Variants in SLC25A21 observed in about 807,000 individuals in gnomAD.
SLC25A21 encodes mitochondrial 2-oxodicarboxylate carrier.
SLC25A21 carries 47 observed loss-of-function variants against 43.8 expected under a neutral mutation model. That is an observed-to-expected ratio of 1.07 (90% CI 0.85 to 1.37). SLC25A21 has a LOEUF of 1.37. SLC25A21 is among the 40% of genes most tolerant of loss of function. SLC25A21 has a pLI of 0.00. For missense variants in SLC25A21, 352 were observed against 350.2 expected (o/e 1.00, Z -0.04); for synonymous variants, 131 against 121.3 (o/e 1.08, Z -0.52).
chr14:37,058,771 G>T (rs1484831425), intron 1 of SLC25A21, among the ~76,000 whole-genome samples: 2 of 152,178 alleles, frequency 1.3e-5, no homozygotes, highest in African/African-American at 4.8e-5. Context: ...TTCTGCTGAG[G>T]CTGATACTTG....
intron 1 of SLC25A21, among the ~76,000 whole-genome samples, chr14:36,939,107 T>C (rs1892494939): frequency 2.0e-5 from 3 of 152,200 alleles, no homozygotes; most frequent in African/African-American, 7.2e-5. Context: ...TGGAATTTCA[T>C]ATAACAGCTT....
chr14:36,823,214 A>G (rs1177958108), intron 2 of SLC25A21, among the ~76,000 whole-genome samples: 1 of 152,170 alleles, frequency 6.6e-6, no homozygotes, highest in African/African-American at 2.4e-5. Flanking sequence ...ATCATGAGAG[A>G]TTACAACCTA....
chr14:36,936,275 G>A (rs1429803851), intron 1 of SLC25A21, among the ~76,000 whole-genome samples: 1 of 152,154 alleles, frequency 6.6e-6, no homozygotes, highest in African/African-American at 2.4e-5. Context: ...GACTGGATGA[G>A]CTATTATCTC....
At chr14:36,767,021 A>G (rs928919011) in intron 3 of SLC25A21, among the ~76,000 whole-genome samples, 8 of 152,230 alleles carry the variant, frequency 5.3e-5, no homozygotes, top group Non-Finnish European at 7.3e-5. Context: ...TTATATTGCT[A>G]TAAGTACAAA....
At chr14:36,697,372 A>C (rs572507494) in intron 7 of SLC25A21, among the ~76,000 whole-genome samples, 3 of 152,198 alleles carry the variant, frequency 2.0e-5, no homozygotes, top group Non-Finnish European at 4.4e-5. Context: ...GGTGCTGAGA[A>C]GAATGTATAT....
chr14:36,724,202 T>C (rs759468586), intron 6 of SLC25A21, among the ~76,000 whole-genome samples: 2 of 152,166 alleles, frequency 1.3e-5, no homozygotes, highest in Non-Finnish European at 2.9e-5. Context: ...TTTAAGACAA[T>C]CTTTTGAAAT....
At chr14:37,116,032 G>A (rs1264612948) in intron 1 of SLC25A21, among the ~76,000 whole-genome samples, 1 of 151,946 alleles carries the variant, frequency 6.6e-6, no homozygotes, top group African/African-American at 2.4e-5. Context: ...ACTTGTCCCA[G>A]GGAACAATCC....
intron 3 of SLC25A21, among the ~76,000 whole-genome samples, chr14:36,746,835 A>C (rs1885519590): frequency 6.6e-6 from 1 of 152,200 alleles, no homozygotes; most frequent in South Asian, 2.1e-4. Flanking sequence ...CCTATTGTCC[A>C]AAATCAACTA....
intron 1 of SLC25A21, among the ~76,000 whole-genome samples, chr14:37,123,420 A>G (rs967326245): frequency 1.3e-5 from 2 of 152,242 alleles, no homozygotes; most frequent in African/African-American, 4.8e-5. Context: ...TTTTAAAACT[A>G]GAAAGCAACA....
chr14:36,930,765 G>A (rs1276760787), intron 1 of SLC25A21, among the ~76,000 whole-genome samples: 1 of 152,008 alleles, frequency 6.6e-6, no homozygotes, highest in African/African-American at 2.4e-5. Flanking sequence ...GGCACATGAG[G>A]GTCTTCATGG....
chr14:36,986,298 T>A (rs1960144170), intron 1 of SLC25A21, among the ~76,000 whole-genome samples: 1 of 152,194 alleles, frequency 6.6e-6, no homozygotes, highest in African/African-American at 2.4e-5. Context: ...TTCTTCCTTT[T>A]CATATTAGTA....
intron 2 of SLC25A21, among the ~76,000 whole-genome samples, chr14:36,825,818 T>TA (rs563818227): frequency 1.7e-4 from 26 of 152,278 alleles, no homozygotes; most frequent in Middle Eastern, 6.8e-3. Flanking sequence ...CTACAGTGAA[T>TA]ACATAAGAGT....
chr14:37,159,448 A>G (rs530703423), intron 1 of SLC25A21, among the ~76,000 whole-genome samples: 2 of 152,294 alleles, frequency 1.3e-5, no homozygotes, highest in South Asian at 4.1e-4. Context: ...CTCATCTTTG[A>G]CAAAGCTGAC....
intron 3 of SLC25A21, among the ~76,000 whole-genome samples, chr14:36,803,571 A>G (rs1158094037): frequency 6.6e-6 from 1 of 152,198 alleles, no homozygotes. Flanking sequence ...CCTCTCTTTA[A>G]GAGTTTCCAA....
rs1344796541 is a variant in SLC25A21, at chr14:37,040,364, AGAGAGAGAG to A, written c.70+131908_70+131916del. ...AGGAAGGAAGGAAGGAAAGAAAGAGAGAGAGAGAGAGAAAGAAAGAAAGAAAGAAAGAAA... is the reference window on the plus strand; with the variant it reads ...AGGAAGGAAGGAAGGAAAGAAAGAGAAGAAAGAAAGAAAGAAAGAAAGAAA... On this transcript the variant is annotated intron_variant, in intron 1 of 9. Coordinates refer to ENST00000331299, the MANE Select transcript of SLC25A21 (RefSeq NM_030631.4). Among the ~76,000 whole-genome samples the A allele has an allele frequency of 4.9e-4, 17 of 34,798 alleles. 5 individuals carry two copies. Among genetic ancestry groups the A allele is most frequent in the East Asian group, 4.1e-3 (6 of 1,450 alleles). 22.8% of individuals were successfully genotyped at this position (34,798 alleles called of 152,430 possible). A position where few individuals can be genotyped will look rare whatever the true frequency, so the allele number is the denominator to read the frequency against.
At chr14:36,819,141 A>C (rs1888545635) in intron 2 of SLC25A21, among the ~76,000 whole-genome samples, 1 of 152,168 alleles carries the variant, frequency 6.6e-6, no homozygotes, top group Non-Finnish European at 1.5e-5. Context: ...ACACAACAGA[A>C]AGGAATGTGG....
intron 7 of SLC25A21, among the ~76,000 whole-genome samples, chr14:36,710,420 AAAAGAAAG>A (rs375549833): frequency 2.6e-5 from 4 of 151,882 alleles, no homozygotes; most frequent in African/African-American, 7.2e-5. Context: ...ACGGGGAAAA[AAAAGAAAG>A]AAAGAAAGAA....
In SLC25A21 at chr14:36,764,182, AAGAAAGAAAG is replaced by A. The variant is rs1335149059; in HGVS notation, c.204-29619_204-29610del. Among the ~76,000 whole-genome samples the A allele has an allele frequency of 3.0e-3, 252 of 82,732 alleles. 11 individuals carry two copies. The highest frequency in any genetic ancestry group is 0.014 in the East Asian group (14 of 1,018). The allele number at this position is 82,732 out of a possible 152,430, so 54.3% of individuals were successfully genotyped here. On this transcript the variant is annotated intron_variant, in intron 3 of 9. Coordinates refer to ENST00000331299, the MANE Select transcript of SLC25A21 (RefSeq NM_030631.4). ...AAAGAAAGAAAGAAAGAAAGAAAGA[AAGAAAGAAAG>A]AGAAAGAAAGAAACTGTTAGCTTCC...
chr14:36,771,078 A>G (rs1473672063), intron 3 of SLC25A21, among the ~76,000 whole-genome samples: 1 of 152,192 alleles, frequency 6.6e-6, no homozygotes, highest in Non-Finnish European at 1.5e-5. Context: ...GTGATAAACA[A>G]GAGGTGAAGA....
Sources: allele counts gnomAD v4.1 joint callset (sites outside exome capture counted in the v4.1 genomes callset), GRCh38; gene constraint gnomAD v4.1.1; transcripts MANE v1.5; gene names NCBI Gene and HGNC (gene_info 2026-07-23, HGNC 2026-07-21).